The following UBN2 variants were observed in gnomAD, a reference collection of about 807,000 sequenced individuals.
UBN2 encodes the protein ubinuclein 2.
In UBN2, 35 loss-of-function variants were observed where a neutral mutation model predicts 120.2. That is an observed-to-expected ratio of 0.29 (90% CI 0.22 to 0.39). UBN2 has a LOEUF of 0.39. UBN2 is among the 10% of genes least tolerant of loss of function. UBN2 has a pLI of 1.00. For synonymous variants in UBN2, 661 were observed against 648.7 expected (o/e 1.02, Z -0.29); for missense variants, 1,693 against 1,663.2 (o/e 1.02, Z -0.31).
intron 2 of UBN2, among the ~76,000 whole-genome samples, chr7:139,250,704 C>G (rs1796602039): frequency 6.6e-6 from 1 of 152,046 alleles, no homozygotes; most frequent in African/African-American, 2.4e-5. Context: ...ATAATACAGT[C>G]AACTAGATAA....
At chr7:139,270,717 TA>T (rs1369773810) in intron 8 of UBN2, among the ~76,000 whole-genome samples, 1 of 152,116 alleles carries the variant, frequency 6.6e-6, no homozygotes, top group Non-Finnish European at 1.5e-5. Context: ...AGTAATCATC[TA>T]GGAACCATGA....
rs1209879804 is a variant in UBN2 at position 139,299,902 on chromosome 7, C to G, written c.*2066C>G. The stretch of plus-strand genomic sequence containing the variant: ...CTTTGGGAAGGTAGCCTTTGTTTTA[C>G]TTCTCATACCACAAGAGAAGTCGAA... On this transcript the variant is annotated 3_prime_UTR_variant, in exon 18 of 18. Transcript: ENST00000473989. 2 of 152,070 alleles carry G rather than the reference C, an allele frequency of 1.3e-5. No homozygotes were observed. Among genetic ancestry groups the G allele is most frequent in the Admixed American group, 6.6e-5 (1 of 15,264 alleles). 9.4% of individuals were successfully genotyped at this position (152,070 alleles called of 1,614,324 possible). A position where few individuals can be genotyped will look rare whatever the true frequency, so the allele number is the denominator to read the frequency against.
intron 13 of UBN2, among the ~76,000 whole-genome samples, chr7:139,280,006 ACTACCT>A (rs1337097941): frequency 6.6e-6 from 1 of 152,210 alleles, no homozygotes; most frequent in Non-Finnish European, 1.5e-5. Flanking sequence ...TTTCAGTTAC[ACTACCT>A]CTACAATCTG....
chr7:139,294,735 G>A (rs1472034027), intron 17 of UBN2, among the ~76,000 whole-genome samples: 1 of 152,164 alleles, frequency 6.6e-6, no homozygotes, highest in Non-Finnish European at 1.5e-5. Context: ...CAGCTACTTG[G>A]GAGGCTGGGG....
downstream of UBN2, among the ~76,000 whole-genome samples, chr7:139,308,885 C>T (rs549098279): frequency 2.0e-5 from 3 of 152,248 alleles, no homozygotes; most frequent in Admixed American, 2.0e-4. Flanking sequence ...TCCTGGCCAA[C>T]ATGGTGCAAC....
At chr7:139,233,497 T>C (rs1167443550) in intron 1 of UBN2, among the ~76,000 whole-genome samples, 1 of 152,174 alleles carries the variant, frequency 6.6e-6, no homozygotes, top group Non-Finnish European at 1.5e-5. Flanking sequence ...CTAGACACAG[T>C]TCTAAGCACT....
chr7:139,245,520 A>G (rs1418121494), intron 2 of UBN2, among the ~76,000 whole-genome samples: 1 of 152,152 alleles, frequency 6.6e-6, no homozygotes, highest in African/African-American at 2.4e-5. Flanking sequence ...GTGGCAACAA[A>G]CTAGTCACTT....
intron 3 of UBN2, among the ~76,000 whole-genome samples, chr7:139,257,651 C>T (rs568172838): frequency 6.6e-6 from 1 of 152,274 alleles, no homozygotes; most frequent in South Asian, 2.1e-4. Context: ...CTCCTGACCT[C>T]ATGATCCACC....
intron 3 of UBN2, among the ~76,000 whole-genome samples, chr7:139,252,643 C>T (rs1048640095): frequency 8.5e-5 from 13 of 152,170 alleles, no homozygotes; most frequent in African/African-American, 3.1e-4. Flanking sequence ...TGTACAATGT[C>T]TTTATTTTCA....
intron 8 of UBN2, among the ~76,000 whole-genome samples, chr7:139,270,087 C>G (rs1398784833): frequency 6.6e-6 from 1 of 152,060 alleles, no homozygotes; most frequent in Non-Finnish European, 1.5e-5. Flanking sequence ...AGAAAGATAT[C>G]TTATCCTTAC....
At chr7:139,249,209 A>G (rs1053624811) in intron 2 of UBN2, among the ~76,000 whole-genome samples, 1 of 152,096 alleles carries the variant, frequency 6.6e-6, no homozygotes, top group Non-Finnish European at 1.5e-5. Flanking sequence ...CATTACTTAC[A>G]TTTCGCACCA....
At chr7:139,312,485 ATAGT>A (rs1443085555), downstream of UBN2, among the ~76,000 whole-genome samples, 3 of 152,176 alleles carry the variant, frequency 2.0e-5, no homozygotes, top group Non-Finnish European at 2.9e-5. Context: ...AAACAAGGTG[ATAGT>A]TAGTCTTCCC....
the UBN2 span, among the ~76,000 whole-genome samples, chr7:139,325,564 C>T: frequency 3.0e-4 from 46 of 152,254 alleles, no homozygotes; most frequent in African/African-American, 1.0e-3. Flanking sequence ...CCACCATGCC[C>T]GGCCGAAATC....
Position 139,298,056 on chromosome 7 carries a change from T to TC in UBN2, c.*221dup. The TC allele has an allele frequency of 2.0e-6, 1 of 505,716 alleles. No individual in the cohort carries two copies. The allele number at this position is 505,716 out of a possible 1,614,324, so 31.3% of individuals were successfully genotyped here. A position where few individuals can be genotyped will look rare whatever the true frequency, so the allele number is the denominator to read the frequency against. ...TGTGCAAAGTTAGTGACCTTTGGTC[T>TC]CTTCTAAAGAATGACAGAGTTACCG... On this transcript the variant is annotated 3_prime_UTR_variant, in exon 18 of 18. Transcript: ENST00000473989.
At chr7:139,310,308 T>TA (rs35212118), downstream of UBN2, among the ~76,000 whole-genome samples, 2,698 of 123,760 alleles carry the variant, frequency 0.022, 37 homozygotes, top group Middle Eastern at 0.064. Context: ...CCTGTGTCTT[T>TA]AAAAAAAAAA....
At chr7:139,269,005 G>A (rs1242148228) in intron 7 of UBN2, among the ~76,000 whole-genome samples, 12 of 152,108 alleles carry the variant, frequency 7.9e-5, no homozygotes, top group African/African-American at 2.4e-4. Context: ...TCAGGAGTTC[G>A]AGACCAGCCT....
intron 2 of UBN2, among the ~76,000 whole-genome samples, chr7:139,239,346 AT>A (rs1294344601): frequency 6.6e-6 from 1 of 151,780 alleles, no homozygotes; most frequent in African/African-American, 2.4e-5. Context: ...TCCCCAAATG[AT>A]TTAGGTTGCT....
At chr7:139,282,992 T>G (rs1431240728) in intron 14 of UBN2, 32 bp from the exon 15 acceptor site, 2 of 1,439,448 alleles carry the variant, frequency 1.4e-6, no homozygotes, top group African/African-American at 2.9e-5. Flanking sequence ...ATTCACCATT[T>G]CTATTTTTTT....
chr7:139,284,212 C>G lies in UBN2; in HGVS notation c.3307C>G (p.His1103Asp), dbSNP rs1343241049. 3 of 1,614,162 alleles carry G rather than the reference C, an allele frequency of 1.9e-6. No homozygotes were observed. The highest frequency in any genetic ancestry group is 1.7e-6 in the Non-Finnish European group (2 of 1,180,038). The part of the protein sequence containing the change: ...SPNALVAQGS[H>D]SSTNSPVHKQ... ...AAATGCACTAGTTGCCCAGGGTAGCCACTCCAGCACTAACAGCCCAGTCCA... is the reference window on the plus strand; with the variant it reads ...AAATGCACTAGTTGCCCAGGGTAGCGACTCCAGCACTAACAGCCCAGTCCA... The change falls in exon 15 of 18, where the codon CAC (histidine) becomes GAC (aspartate). Residue 1103 changes from histidine to aspartate, a missense_variant. His to Asp is a moderately conservative substitution (Grantham distance 81, BLOSUM62 -1). This residue lies in a region of UBN2 where 837 missense variants were observed against 817.6 expected (regional missense o/e 1.02). Transcript: ENST00000473989.
Sources: allele counts gnomAD v4.1 joint callset (sites outside exome capture counted in the v4.1 genomes callset), GRCh38; gene constraint gnomAD v4.1.1; regional missense constraint gnomAD v4.1.1; transcripts MANE v1.5; gene names NCBI Gene and HGNC (gene_info 2026-07-23, HGNC 2026-07-21).